The following AAK1 variants were observed in gnomAD, a reference collection of about 807,000 sequenced individuals.
AAK1 encodes AP2-associated protein kinase 1.
In AAK1, 37 loss-of-function variants were observed where a neutral mutation model predicts 116.0. The observed-to-expected ratio is 0.32, with a 90% confidence interval of 0.25 to 0.42. The LOEUF is 0.42. Ranked by LOEUF, AAK1 falls within the 10% of genes least tolerant of loss-of-function variation. AAK1 has a pLI of 1.00. For synonymous variants in AAK1, 458 were observed against 439.9 expected (o/e 1.04, Z -0.51); for missense variants, 919 against 1,170.6 (o/e 0.79, Z 3.14).
chr2:69,504,233 C>A (rs2104955594), intron 16 of AAK1, among the ~76,000 whole-genome samples: 1 of 150,734 alleles, frequency 6.6e-6, no homozygotes, highest in East Asian at 2.0e-4. Flanking sequence ...TCCATCTCTA[C>A]TAAAACTACA....
chr2:69,533,441 ATTTCTATACTTG>A (rs911272638), intron 5 of AAK1, among the ~76,000 whole-genome samples: 1 of 152,122 alleles, frequency 6.6e-6, no homozygotes, highest in African/African-American at 2.4e-5. Flanking sequence ...ATAGTCTCTA[ATTTCTATACTTG>A]TTTCTATACT....
intron 10 of AAK1, among the ~76,000 whole-genome samples, chr2:69,522,852 G>A (rs995580432): frequency 1.3e-5 from 2 of 151,924 alleles, no homozygotes; most frequent in Admixed American, 1.3e-4. Flanking sequence ...TGAGGGAGGT[G>A]AGCAGGCTTC....
intron 2 of AAK1, among the ~76,000 whole-genome samples, chr2:69,591,163 T>C (rs1315661068): frequency 1.3e-5 from 2 of 152,158 alleles, no homozygotes; most frequent in African/African-American, 4.8e-5. Context: ...CTCTATGACT[T>C]TTAGAAATAT....
At position 69,467,148 on chromosome 2, in the gene AAK1, T is replaced by C; in HGVS notation, c.*8721A>G. 8.1e-6 allele frequency: 8 copies of C among 985,436 alleles called. No individual in the cohort carries two copies. The highest frequency in any genetic ancestry group is 7.2e-6 in the Non-Finnish European group (6 of 829,914). 61.0% of individuals were successfully genotyped at this position (985,436 alleles called of 1,614,324 possible). A position where few individuals can be genotyped will look rare whatever the true frequency, so the allele number is the denominator to read the frequency against. On this transcript the variant is annotated 3_prime_UTR_variant, in exon 22 of 22. Transcript: ENST00000409085. Reference sequence around the variant, plus strand: ...CTGAAGGTACCTTCTGAGGGGAGCATACAGCATCAAAATCAGACCAAATAA... The same window carrying C: ...CTGAAGGTACCTTCTGAGGGGAGCACACAGCATCAAAATCAGACCAAATAA...
intron 13 of AAK1, among the ~76,000 whole-genome samples, chr2:69,510,380 C>T (rs1053668825): frequency 1.6e-4 from 25 of 152,320 alleles, no homozygotes; most frequent in Non-Finnish European, 3.2e-4. Context: ...CCTCCATCCT[C>T]CTTCTTTTTT....
rs1402957850 is a variant in AAK1 at position 69,569,756 on chromosome 2, G to C, written c.164-12778C>G. Reference sequence around the variant, plus strand: ...AGACTCATATGGTATGTGCTTTTTTGTGTAAGGATATTTTACTCATCATAA... The same window carrying C: ...AGACTCATATGGTATGTGCTTTTTTCTGTAAGGATATTTTACTCATCATAA... On this transcript the variant is annotated intron_variant, in intron 2 of 21. Transcript: ENST00000409085. Among the ~76,000 whole-genome samples, 5 of 152,100 alleles carry C rather than the reference G, an allele frequency of 3.3e-5. No individual in the cohort carries two copies. In the East Asian group the frequency reaches 9.6e-4, roughly 29 times the overall value.
At chr2:69,503,351 T>TA (rs1676050196) in intron 16 of AAK1, among the ~76,000 whole-genome samples, 1 of 152,194 alleles carries the variant, frequency 6.6e-6, no homozygotes, top group Admixed American at 6.5e-5. Context: ...AGATCACTTT[T>TA]AGAAGCATGC....
chr2:69,525,624 T>C (rs1185073216), intron 9 of AAK1, among the ~76,000 whole-genome samples: 1 of 152,196 alleles, frequency 6.6e-6, no homozygotes, highest in East Asian at 1.9e-4. Flanking sequence ...GCCAGTACCC[T>C]TCCCAACATG....
rs140650251 is a variant in AAK1, at chr2:69,481,303, T to C, written c.2468-342A>G. On this transcript the variant is annotated intron_variant, in intron 18 of 21. Transcript: ENST00000409085. ...GTGCAAGGTTAAATACTGTGGCCAG[T>C]CTCACTAATGATCAGTTCTCATAAA... 358 of 167,042 alleles carry C rather than the reference T, an allele frequency of 2.1e-3. 3 individuals carry two copies. Among genetic ancestry groups the C allele is most frequent in the African/African-American group, 7.0e-3 (293 of 41,866 alleles). The allele number at this position is 167,042 out of a possible 1,614,324, so 10.3% of individuals were successfully genotyped here.
intron 2 of AAK1, chr2:69,594,979 T>G (rs1320743277): frequency 4.9e-6 from 4 of 808,228 alleles, no homozygotes; most frequent in Admixed American, 1.7e-5. Context: ...ATCCTTGCCC[T>G]TTTTACTGTG....
chr2:69,516,516 G>T (rs1450285718), intron 12 of AAK1, among the ~76,000 whole-genome samples: 1 of 151,990 alleles, frequency 6.6e-6, no homozygotes, highest in East Asian at 1.9e-4. Context: ...CAAAACTGTG[G>T]TTTCTAAACA....
chr2:69,613,146 C>T (rs573580338), intron 2 of AAK1, among the ~76,000 whole-genome samples: 1 of 152,280 alleles, frequency 6.6e-6, no homozygotes, highest in South Asian at 2.1e-4. Flanking sequence ...AGGCTTTGTG[C>T]AATCCCAACA....
intron 2 of AAK1, among the ~76,000 whole-genome samples, chr2:69,599,378 GT>G (rs1377291896): frequency 9.7e-6 from 1 of 102,626 alleles, no homozygotes; most frequent in Non-Finnish European, 1.8e-5. Flanking sequence ...ATAGTTCTGT[GT>G]AAAAAAAAAA....
intron 18 of AAK1, chr2:69,481,692 G>A (rs1041906965): frequency 6.6e-6 from 1 of 152,232 alleles, no homozygotes; most frequent in Non-Finnish European, 1.5e-5. Flanking sequence ...TTGGAACATA[G>A]GAAAATGTGA....
chr2:69,609,269 G>A (rs1168206449), intron 2 of AAK1, among the ~76,000 whole-genome samples: 5 of 152,008 alleles, frequency 3.3e-5, no homozygotes, highest in Non-Finnish European at 1.5e-5. Context: ...AGGCTGAGGT[G>A]GGAGAATCAC....
At chr2:69,629,992 G>A (rs774413860) in intron 2 of AAK1, among the ~76,000 whole-genome samples, 3 of 152,256 alleles carry the variant, frequency 2.0e-5, no homozygotes, top group Non-Finnish European at 4.4e-5. Flanking sequence ...GGGTGGGGAA[G>A]GAGGAAATAT....
chr2:69,608,697 A>G (rs1460921099), intron 2 of AAK1, among the ~76,000 whole-genome samples: 1 of 152,266 alleles, frequency 6.6e-6, no homozygotes. Flanking sequence ...AATGAGGTAG[A>G]GATTAATTTT....
At chr2:69,528,197 C>A (rs1670099157) in intron 8 of AAK1, among the ~76,000 whole-genome samples, 1 of 152,112 alleles carries the variant, frequency 6.6e-6, no homozygotes, top group Non-Finnish European at 1.5e-5. Context: ...AATAGAGGAG[C>A]CAGAAGGACA....
chr2:69,496,615 G>A (rs144882208), intron 16 of AAK1, among the ~76,000 whole-genome samples: 3 of 152,114 alleles, frequency 2.0e-5, no homozygotes, highest in Admixed American at 6.5e-5. Flanking sequence ...TAAAACCAGG[G>A]TATTCATATG....
Sources: gnomAD v4.1 joint callset for allele counts (sites outside exome capture counted in the v4.1 genomes callset) on GRCh38, gnomAD v4.1.1 for gene constraint, MANE v1.5 for transcripts, NCBI Gene and HGNC (gene_info 2026-07-23, HGNC 2026-07-21) for gene names.